PLEKHH2: variants seen among roughly 807,000 people sequenced by gnomAD.
The protein encoded by PLEKHH2 is pleckstrin homology domain-containing family H member 2.
PLEKHH2 carries 129 observed loss-of-function variants against 187.9 expected under a neutral mutation model. The observed-to-expected ratio is 0.69, with a 90% CI of 0.59 to 0.79. The LOEUF (loss-of-function observed/expected upper bound fraction) is 0.79, where lower values mean the gene tolerates loss of function less well. Ranked by LOEUF, PLEKHH2 falls within the 30% of genes least tolerant of loss-of-function variation. The pLI is 0.00. For synonymous variants in PLEKHH2, 686 were observed against 605.6 expected (o/e 1.13, Z -1.95); for missense variants, 2,076 against 1,751.2 (o/e 1.19, Z -3.31).
chr2:43,659,628 G>C (rs1416786162), intron 2 of PLEKHH2, among the ~76,000 whole-genome samples: 2 of 149,130 alleles, frequency 1.3e-5, no homozygotes, highest in East Asian at 4.0e-4. Context: ...TCAGATCTCA[G>C]CTCACTGGCA....
At chr2:43,643,577 C>T (rs1666047435) in intron 1 of PLEKHH2, among the ~76,000 whole-genome samples, 1 of 151,966 alleles carries the variant, frequency 6.6e-6, no homozygotes, top group Non-Finnish European at 1.5e-5. Context: ...CTGGGAAAAT[C>T]AATGTGGTTA....
chr2:43,720,869 TG>T, intron 16 of PLEKHH2, 120 bp downstream of exon 16: 1 of 1,403,704 alleles, frequency 7.1e-7, no homozygotes, highest in East Asian at 2.5e-5. Flanking sequence ...GGTTGAAATT[TG>T]GTATAATTTG....
chr2:43,759,452 G>A (rs1672344310), intron 27 of PLEKHH2, among the ~76,000 whole-genome samples: 1 of 152,124 alleles, frequency 6.6e-6, no homozygotes, highest in African/African-American at 2.4e-5. Context: ...ATTTTACTTT[G>A]TAACAACAGG....
intron 2 of PLEKHH2, among the ~76,000 whole-genome samples, chr2:43,669,435 G>A (rs1350300855): frequency 6.6e-6 from 1 of 152,090 alleles, no homozygotes; most frequent in African/African-American, 2.4e-5. Flanking sequence ...GAATTACACT[G>A]TTTTAAAAGG....
At chr2:43,734,909 C>T (rs1407781943) in intron 19 of PLEKHH2, among the ~76,000 whole-genome samples, 1 of 152,172 alleles carries the variant, frequency 6.6e-6, no homozygotes, top group East Asian at 1.9e-4. Context: ...GGCCTGTAAT[C>T]CCAGCACTTT....
At chr2:43,657,174 G>C (rs943400477) in intron 2 of PLEKHH2, among the ~76,000 whole-genome samples, 1 of 152,220 alleles carries the variant, frequency 6.6e-6, no homozygotes, top group Admixed American at 6.5e-5. Flanking sequence ...TGGCAAATCA[G>C]CTGGAGGGTG....
chr2:43,706,460 G>A (rs1250866841), intron 10 of PLEKHH2, 44 bp downstream of exon 10: 1 of 1,331,880 alleles, frequency 7.5e-7, no homozygotes, highest in South Asian at 1.2e-5. Flanking sequence ...TTCTCTTCAT[G>A]ATGGATCAAG....
At chr2:43,746,554 A>G (rs1402732695) in intron 24 of PLEKHH2, among the ~76,000 whole-genome samples, 1 of 151,930 alleles carries the variant, frequency 6.6e-6, no homozygotes, top group East Asian at 1.9e-4. Flanking sequence ...ACACACACGC[A>G]CACAATCAGA....
rs200378177 is a variant in PLEKHH2 at position 43,765,517 on chromosome 2, C to G, written c.4401C>G (p.Thr1467=). ...CTCCAGCACTGCTCTCAGCCCAGAC[C>G]CGGGGACCCCAAGCCAGAATGATGG... ...LSAPALLSAQ[T]RGPQARMMGS... is the part of the protein sequence containing the mutation. Residue 1467 remains threonine, a synonymous_variant, in exon 30 of 30, where the codon ACC becomes ACG. Coordinates refer to ENST00000282406, the MANE Select transcript of PLEKHH2 (RefSeq NM_172069.4). The G allele has an allele frequency of 7.7e-5, 125 of 1,614,014 alleles. No homozygotes were observed. Among genetic ancestry groups the G allele is most frequent in the Non-Finnish European group, 1.0e-4 (119 of 1,180,004 alleles).
Position 43,706,390 on chromosome 2 carries a change from A to G in PLEKHH2, c.1795A>G (p.Thr599Ala). ...ATCTCTGATATACAAGAACATGACCACCCCAGTGTATACAACTTTGAAGGG... is the reference window on the plus strand; with the variant it reads ...ATCTCTGATATACAAGAACATGACCGCCCCAGTGTATACAACTTTGAAGGG... ...YTSLIYKNMT[T>A]PVYTTLKGKA... is the part of the protein sequence containing the mutation. The change falls in exon 10 of 30, where the codon ACC (threonine) becomes GCC (alanine). Residue 599 changes from threonine to alanine, a missense_variant. By Grantham distance (58) the Thr-to-Ala change is moderately conservative. Transcript: ENST00000282406. 6.2e-7 allele frequency: 1 copy of G among 1,601,762 alleles called. No homozygotes were observed. The highest frequency in any genetic ancestry group is 8.6e-7 in the Non-Finnish European group (1 of 1,169,042).
In PLEKHH2 at chr2:43,700,263, C is replaced by A. The variant is rs760564714; in HGVS notation, c.1305C>A (p.His435Gln). The A allele has an allele frequency of 6.2e-7, 1 of 1,614,046 alleles. No individual in the cohort carries two copies. Among genetic ancestry groups the A allele is most frequent in the African/African-American group, 1.3e-5 (1 of 74,916 alleles). ...GAACACAATTAGTGCCTTCATCACA[C>A]CTGCCACCCCCAAAGTTAAGGATTC... ...GKGTQLVPSS[H>Q]LPPPKLRIPN... The change falls in exon 8 of 30, where the codon CAC (histidine) becomes CAA (glutamine). Residue 435 changes from histidine to glutamine, a missense_variant. His to Gln is a conservative substitution (Grantham distance 24). Transcript: ENST00000282406.
At chr2:43,698,282 C>CT (rs1233016081) in intron 7 of PLEKHH2, among the ~76,000 whole-genome samples, 1 of 147,848 alleles carries the variant, frequency 6.8e-6, no homozygotes, top group Non-Finnish European at 1.5e-5. Flanking sequence ...GGATCTCACT[C>CT]TGTCTCCCAG....
chr2:43,641,039 C>T (rs535598072), intron 1 of PLEKHH2, among the ~76,000 whole-genome samples: 5 of 151,336 alleles, frequency 3.3e-5, no homozygotes, highest in African/African-American at 7.3e-5. Context: ...GCAGTCTAAC[C>T]GCCTCGGCCT....
At chr2:43,676,410 G>A in intron 2 of PLEKHH2, 1 of 1,097,650 alleles carries the variant, frequency 9.1e-7, no homozygotes, top group Non-Finnish European at 1.3e-6. Flanking sequence ...TGGCGGCTGC[G>A]CTCCCGGTTG....
chr2:43,731,239 C>T (rs1357159230), intron 18 of PLEKHH2, among the ~76,000 whole-genome samples: 1 of 151,982 alleles, frequency 6.6e-6, no homozygotes, highest in Non-Finnish European at 1.5e-5. Context: ...TAACCACATA[C>T]CACCTATTCC....
intron 14 of PLEKHH2, chr2:43,711,911 A>G: frequency 1.0e-6 from 1 of 996,456 alleles, no homozygotes; most frequent in African/African-American, 1.8e-5. Context: ...AAAAAAAAAG[A>G]AAAGTAGGAA....
intron 2 of PLEKHH2, among the ~76,000 whole-genome samples, chr2:43,649,181 T>C (rs1413881910): frequency 6.6e-6 from 1 of 152,168 alleles, no homozygotes; most frequent in Non-Finnish European, 1.5e-5. Flanking sequence ...TAAGGAATGG[T>C]GTTGGAAATA....
chr2:43,743,743 A>G, intron 22 of PLEKHH2, 91 bp from the exon 23 acceptor site: 4 of 1,139,706 alleles, frequency 3.5e-6, no homozygotes, highest in Non-Finnish European at 4.7e-6. Context: ...ATCATTAATC[A>G]TGCATCAAGT....
chr2:43,729,583 T>C lies in PLEKHH2; in HGVS notation c.2722-54T>C, dbSNP rs933773820. 3.7e-5 allele frequency: 47 copies of C among 1,279,136 alleles called. No individual in the cohort carries two copies. The African/African-American group carries it at 6.3e-4, about 17-fold the overall frequency. 79.2% of individuals were successfully genotyped at this position (1,279,136 alleles called of 1,614,324 possible). On this transcript the variant is annotated intron_variant, in intron 17 of 29. Transcript: ENST00000282406. ...CTACTGTTTATGCAAGTTGTTTTTTTTTCTTTAATCAAAACTGTGTCTTAA... is the reference window on the plus strand; with the variant it reads ...CTACTGTTTATGCAAGTTGTTTTTTCTTCTTTAATCAAAACTGTGTCTTAA...
Sources: allele counts gnomAD v4.1 joint callset (sites outside exome capture counted in the v4.1 genomes callset), GRCh38; gene constraint gnomAD v4.1.1; transcripts MANE v1.5; gene names NCBI Gene and HGNC (gene_info 2026-07-23, HGNC 2026-07-21).